GNAT2: variants seen among roughly 807,000 people sequenced by gnomAD.
The protein encoded by GNAT2 is guanine nucleotide-binding protein G(t) subunit alpha-2.
Under a neutral mutation model 40.9 loss-of-function variants are expected in GNAT2, and 32 were observed. The ratio of observed to expected loss-of-function variants is 0.78; its 90% CI spans 0.59 to 1.05. The LOEUF (loss-of-function observed/expected upper bound fraction) is 1.05, where lower values mean the gene tolerates loss of function less well. Ranked by LOEUF, GNAT2 falls within the 50% of genes least tolerant of loss-of-function variation. The probability of loss-of-function intolerance (pLI) is 0.00; values close to 1 mark genes in which losing one functional copy is unlikely to be tolerated. For missense variants in GNAT2, 355 were observed against 431.5 expected, an observed-to-expected ratio of 0.82 and a Z score of 1.57; for synonymous variants, 141 against 157.2, an observed-to-expected ratio of 0.90 and a Z score of 0.77.
chr1:109,603,912 TA>T, intron 8 of GNAT2, 38 bp downstream of exon 8: 2 of 1,448,380 alleles, frequency 1.4e-6, no homozygotes, highest in Non-Finnish European at 1.9e-6. Context: ...CAGTCTCTAC[TA>T]AAAGGCATTA....
In GNAT2 at chr1:109,608,806, G is replaced by A. The variant is rs1165538630; in HGVS notation, c.304-18C>T. ...CCGTCATCCTGTAATGCAGAAACCTGGTTAAGAACTTCACAGGAGTAATAG... is the reference window on the plus strand; with the variant it reads ...CCGTCATCCTGTAATGCAGAAACCTAGTTAAGAACTTCACAGGAGTAATAG... On this transcript the variant is annotated intron_variant, in intron 4 of 8. Coordinates refer to ENST00000679935, the MANE Select transcript of GNAT2 (RefSeq NM_001377295.2). 6.2e-7 allele frequency: 1 copy of A among 1,610,064 alleles called. No individual in the cohort carries two copies. Among genetic ancestry groups the A allele is most frequent in the Admixed American group, 1.7e-5 (1 of 60,012 alleles).
chr1:109,617,895 AT>A (rs1649994786), intron 1 of GNAT2: 1 of 152,140 alleles, frequency 6.6e-6, no homozygotes, highest in Non-Finnish European at 1.5e-5. Context: ...GATTTTTGAG[AT>A]TCATTTTATT....
At chr1:109,612,136 TTGA>T (rs1294064695) in intron 2 of GNAT2, 1 of 168,042 alleles carries the variant, frequency 6.0e-6, no homozygotes, top group Non-Finnish European at 1.3e-5. Context: ...GCTCATCAAG[TTGA>T]TGAACCTTCC....
chr1:109,608,485 A>G (rs2101126490), intron 5 of GNAT2, 146 bp downstream of exon 5: 5 of 779,346 alleles, frequency 6.4e-6, no homozygotes, highest in South Asian at 5.6e-5. Context: ...AAGCCTAACA[A>G]AACAGATCCA....
At chr1:109,603,920 A>G in intron 8 of GNAT2, 31 bp downstream of exon 8, 1 of 1,481,298 alleles carries the variant, frequency 6.8e-7, no homozygotes, top group Non-Finnish European at 9.4e-7. Flanking sequence ...ACTAAAAGGC[A>G]TTATTATTAT....
At chr1:109,619,114 A>T (rs1650046580) in intron 1 of GNAT2, among the ~76,000 whole-genome samples, 1 of 152,174 alleles carries the variant, frequency 6.6e-6, no homozygotes. Flanking sequence ...GGCAGTGGGG[A>T]TGCTTGTTGG....
intron 5 of GNAT2, 100 bp downstream of exon 5, chr1:109,608,531 G>T: frequency 2.7e-6 from 3 of 1,094,082 alleles, no homozygotes; most frequent in Non-Finnish European, 4.3e-6. Context: ...AGCTTTCAAT[G>T]CCTGAAATTT....
Position 109,608,788 on chromosome 1 carries a change from C to T in GNAT2, c.304G>A (p.Asp102Asn). 1 of 1,613,622 alleles carries T rather than the reference C, an allele frequency of 6.2e-7. No individual in the cohort carries two copies. Among genetic ancestry groups the T allele is most frequent in the Non-Finnish European group, 8.5e-7 (1 of 1,179,508 alleles). The change falls in exon 5 of 9, where the codon GAT (aspartate) becomes AAT (asparagine). Residue 102 changes from aspartate to asparagine, a missense_variant and splice_region_variant. By Grantham distance (23) the Asp-to-Asn change is conservative. Coordinates refer to ENST00000679935, the MANE Select transcript of GNAT2 (RefSeq NM_001377295.2). Reference protein sequence around the residue: ...GIDYAEPSCADDGRQLNNLAD... With the variant: ...GIDYAEPSCANDGRQLNNLAD... ...AGGTTGTTGAGCTGTCGCCCGTCAT[C>T]CTGTAATGCAGAAACCTGGTTAAGA...
At chr1:109,607,160 A>AAAC (rs1649626601) in intron 5 of GNAT2, 1 of 151,970 alleles carries the variant, frequency 6.6e-6, no homozygotes. Flanking sequence ...TTTTTAAAAA[A>AAAC]AAAAAAGGTG....
At chr1:109,613,054 T>C (rs1197322449) in intron 1 of GNAT2, 131 bp from the exon 2 acceptor site, 1 of 678,230 alleles carries the variant, frequency 1.5e-6, no homozygotes, top group Non-Finnish European at 2.7e-6. Context: ...CTACATTGAC[T>C]GAGACTCCCT....
At chr1:109,614,071 C>T (rs1466029726) in intron 1 of GNAT2, 1 of 152,196 alleles carries the variant, frequency 6.6e-6, no homozygotes, top group Non-Finnish European at 1.5e-5. Context: ...GGAGCCTCCT[C>T]AGGTGGAGAT....
At chr1:109,604,283 A>G (rs2101122205) in intron 7 of GNAT2, 179 bp from the exon 8 acceptor site, 1 of 624,092 alleles carries the variant, frequency 1.6e-6, no homozygotes, top group Non-Finnish European at 2.9e-6. Flanking sequence ...CTAGTTCCCT[A>G]TCTTTCTAAT....
rs1410870461 is a variant in GNAT2, at chr1:109,606,365, CTG to C, written c.531_532del (p.Arg178SerfsTer8). On this transcript the variant is annotated frameshift_variant, in exon 6 of 9. Transcript: ENST00000679935. LOFTEE classifies it high-confidence loss of function. ...TTCAATGATGCCCGTGGTTTTGACT[CTG>C]GATCGGAGCACATCTTGCTCACTAG... is the stretch of plus-strand genomic sequence containing the variant. 2 of 1,612,468 alleles carry C rather than the reference CTG, an allele frequency of 1.2e-6. No individual in the cohort carries two copies. The highest frequency in any genetic ancestry group is 2.7e-5 in the African/African-American group (2 of 74,888).
At position 109,606,076 on chromosome 1, in the gene GNAT2, C is replaced by T. The variant is rs777936715; in HGVS notation, c.614G>A (p.Arg205Lys). The T allele has an allele frequency of 5.6e-6, 9 of 1,614,022 alleles. No homozygotes were observed. The highest frequency in any genetic ancestry group is 6.8e-6 in the Non-Finnish European group (8 of 1,179,852). Residue 205 changes from arginine (R) to lysine (K), a missense_variant, in exon 7 of 9, where the codon AGA becomes AAA. Physicochemically the swap from Arg to Lys is conservative, Grantham distance 26. Coordinates refer to ENST00000679935, the MANE Select transcript of GNAT2 (RefSeq NM_001377295.2). Reference sequence around the variant, plus strand: ...GTGGATCCACTTCTTTCTCTCGGATCTCTGCCCTCCCACATCAAACATCCT... The same window carrying T: ...GTGGATCCACTTCTTTCTCTCGGATTTCTGCCCTCCCACATCAAACATCCT... Reference protein sequence around the residue: ...NFRMFDVGGQRSERKKWIHCF... With the variant: ...NFRMFDVGGQKSERKKWIHCF...
chr1:109,609,755 A>G, intron 4 of GNAT2: 1 of 437,806 alleles, frequency 2.3e-6, no homozygotes, highest in South Asian at 2.1e-5. Context: ...ATTTATCTAC[A>G]TGACCTTGGG....
Position 109,610,508 on chromosome 1 carries a change from C to G in GNAT2, c.119-1G>C, listed in dbSNP as rs1424188258. 6.2e-7 allele frequency: 1 copy of G among 1,613,538 alleles called. No individual in the cohort carries two copies. Among genetic ancestry groups the G allele is most frequent in the Non-Finnish European group, 8.5e-7 (1 of 1,179,618 alleles). ...GTGCTCTTTCCTGACTCCCCAGCAC[C>G]TGGAAGGAAAAATGCTTATGCTTTC... On this transcript the variant is annotated splice_acceptor_variant, in intron 2 of 8. Coordinates refer to ENST00000679935, the MANE Select transcript of GNAT2 (RefSeq NM_001377295.2). LOFTEE classifies it high-confidence loss of function.
intron 1 of GNAT2, among the ~76,000 whole-genome samples, chr1:109,618,613 G>T (rs899934200): frequency 6.6e-6 from 1 of 152,308 alleles, no homozygotes; most frequent in South Asian, 2.1e-4. Flanking sequence ...ACATGTACGT[G>T]TGTGTGTGTC....
In GNAT2 at chr1:109,603,309, A is replaced by T. The variant is rs1251292530; in HGVS notation, c.*45T>A. On this transcript the variant is annotated 3_prime_UTR_variant, in exon 9 of 9. Transcript: ENST00000679935. Reference sequence around the variant, plus strand: ...TAATTTTCTGTTTTTAATTACCCAGATTCCAAGCCTGTTTATAGAACTTAT... The same window carrying T: ...TAATTTTCTGTTTTTAATTACCCAGTTTCCAAGCCTGTTTATAGAACTTAT... 1 of 1,075,892 alleles carries T rather than the reference A, an allele frequency of 9.3e-7. No individual in the cohort carries two copies. The highest frequency in any genetic ancestry group is 1.7e-5 in the Admixed American group (1 of 59,158). 66.6% of individuals were successfully genotyped at this position (1,075,892 alleles called of 1,614,324 possible).
intron 5 of GNAT2, chr1:109,608,185 A>C (rs1290949461): frequency 3.6e-6 from 1 of 275,552 alleles, no homozygotes; most frequent in Non-Finnish European, 7.1e-6. Context: ...TAGTGGCCTA[A>C]GTAGATCCTA....
Sources: allele counts gnomAD v4.1 joint callset (sites outside exome capture counted in the v4.1 genomes callset), GRCh38; gene constraint gnomAD v4.1.1; transcripts MANE v1.5; gene names NCBI Gene and HGNC (gene_info 2026-07-23, HGNC 2026-07-21).